RNF180: variants seen among roughly 807,000 people sequenced by gnomAD.
The protein encoded by RNF180 is ring finger protein 180, also known as E3 ubiquitin-protein ligase RNF180.
A neutral mutation model predicts 59.2 loss-of-function variants in RNF180; 38 were observed. The observed-to-expected ratio is 0.64, with a 90% CI of 0.50 to 0.84. RNF180 has a LOEUF of 0.84. RNF180 is among the 40% of genes least tolerant of loss of function. RNF180 has a pLI of 0.00. For missense variants in RNF180, 705 were observed against 700.9 expected (o/e 1.01, Z -0.07); for synonymous variants, 262 against 240.3 (o/e 1.09, Z -0.84).
At chr5:64,240,698 A>G (rs574006931) in intron 5 of RNF180, among the ~76,000 whole-genome samples, 2 of 152,292 alleles carry the variant, frequency 1.3e-5, no homozygotes, top group South Asian at 4.1e-4. Context: ...TCTTCTCACC[A>G]TCTTCCTAGC....
intron 5 of RNF180, among the ~76,000 whole-genome samples, chr5:64,314,829 T>C (rs1295691629): frequency 6.6e-6 from 1 of 152,120 alleles, no homozygotes; most frequent in Non-Finnish European, 1.5e-5. Context: ...GTGAAGAAAA[T>C]CTAGCTAGAC....
At chr5:64,353,156 T>G (rs1349928956) in intron 7 of RNF180, among the ~76,000 whole-genome samples, 1 of 151,846 alleles carries the variant, frequency 6.6e-6, no homozygotes, top group Non-Finnish European at 1.5e-5. Context: ...CATAGATACA[T>G]AATTATAAAT....
chr5:64,240,294 G>T (rs1442988093), intron 5 of RNF180, among the ~76,000 whole-genome samples: 2 of 152,150 alleles, frequency 1.3e-5, no homozygotes, highest in Non-Finnish European at 2.9e-5. Flanking sequence ...AATAAAGGCT[G>T]CAGTAGGTCC....
chr5:64,326,156 T>G (rs1295412119), intron 6 of RNF180, among the ~76,000 whole-genome samples: 1 of 152,044 alleles, frequency 6.6e-6, no homozygotes, highest in Non-Finnish European at 1.5e-5. Flanking sequence ...AGAATAAATA[T>G]ATGGTGCGTC....
chr5:64,268,940 A>G (rs1459163086), intron 5 of RNF180, among the ~76,000 whole-genome samples: 1 of 152,046 alleles, frequency 6.6e-6, no homozygotes, highest in African/African-American at 2.4e-5. Flanking sequence ...CTCTATCAGG[A>G]AACCCCCAAC....
intron 7 of RNF180, among the ~76,000 whole-genome samples, chr5:64,346,434 A>G (rs928461311): frequency 7.1e-6 from 1 of 140,098 alleles, no homozygotes; most frequent in Non-Finnish European, 1.5e-5. Flanking sequence ...CAGTAGCACA[A>G]TCTCGGCTCA....
intron 5 of RNF180, among the ~76,000 whole-genome samples, chr5:64,307,115 T>TC (rs1743511195): frequency 1.3e-5 from 1 of 77,830 alleles, no homozygotes; most frequent in African/African-American, 5.8e-5. Flanking sequence ...CTTCATGCTT[T>TC]CTGTCATTTC....
intron 7 of RNF180, among the ~76,000 whole-genome samples, chr5:64,331,046 A>G (rs1744883974): frequency 6.6e-6 from 1 of 152,242 alleles, no homozygotes; most frequent in African/African-American, 2.4e-5. Flanking sequence ...AGCCAAGCCC[A>G]GGCACTGTCG....
chr5:64,253,692 T>C (rs1743736917), intron 5 of RNF180, among the ~76,000 whole-genome samples: 1 of 152,148 alleles, frequency 6.6e-6, no homozygotes, highest in Non-Finnish European at 1.5e-5. Context: ...ACATAAATAA[T>C]ATAGTTAGTA....
At chr5:64,368,052 C>T (rs1406394982) in intron 7 of RNF180, among the ~76,000 whole-genome samples, 2 of 151,670 alleles carry the variant, frequency 1.3e-5, no homozygotes, top group African/African-American at 4.8e-5. Flanking sequence ...AATTGTATTT[C>T]ATGATGTAAT....
At chr5:64,195,248 A>G (rs939979997) in intron 1 of RNF180, among the ~76,000 whole-genome samples, 8 of 152,166 alleles carry the variant, frequency 5.3e-5, no homozygotes, top group African/African-American at 1.7e-4. Context: ...CTGATTAGTA[A>G]TACTGAAAGT....
intron 5 of RNF180, among the ~76,000 whole-genome samples, chr5:64,291,586 G>A (rs181980506): frequency 2.9e-5 from 4 of 136,838 alleles, no homozygotes; most frequent in Admixed American, 7.2e-5. Flanking sequence ...CACCGCACCC[G>A]GCTAATTTTT....
chr5:64,206,646 C>T (rs1752031179), intron 2 of RNF180, among the ~76,000 whole-genome samples: 1 of 152,152 alleles, frequency 6.6e-6, no homozygotes, highest in South Asian at 2.1e-4. Context: ...ATTGTATGCC[C>T]TCCAAGTGCA....
intron 7 of RNF180, among the ~76,000 whole-genome samples, chr5:64,356,483 A>G (rs916626198): frequency 6.6e-6 from 1 of 151,920 alleles, no homozygotes; most frequent in African/African-American, 2.4e-5. Context: ...GAATTACCGT[A>G]TGACTCTACA....
chr5:64,296,098 C>A (rs948713159), intron 5 of RNF180, among the ~76,000 whole-genome samples: 1 of 152,130 alleles, frequency 6.6e-6, no homozygotes, highest in Non-Finnish European at 1.5e-5. Flanking sequence ...AACATGACTA[C>A]AGGCTACTTC....
At chr5:64,329,472 T>TC (rs1561264956) in intron 6 of RNF180, among the ~76,000 whole-genome samples, 1 of 149,580 alleles carries the variant, frequency 6.7e-6, no homozygotes, top group Non-Finnish European at 1.5e-5. Flanking sequence ...TTTTTTTTTT[T>TC]CCCAAGATGG....
At chr5:64,270,039 A>G (rs1744922113) in intron 5 of RNF180, among the ~76,000 whole-genome samples, 1 of 150,842 alleles carries the variant, frequency 6.6e-6, no homozygotes, top group African/African-American at 2.4e-5. Flanking sequence ...ACACACACAC[A>G]CACACACACA....
chr5:64,331,921 G>A (rs1450868245), intron 7 of RNF180, among the ~76,000 whole-genome samples: 2 of 152,024 alleles, frequency 1.3e-5, no homozygotes, highest in African/African-American at 2.4e-5. Context: ...GTCCTGACTC[G>A]GGTGCCCACA....
At chr5:64,236,088 T>C (rs893289670) in intron 5 of RNF180, among the ~76,000 whole-genome samples, 19 of 151,986 alleles carry the variant, frequency 1.3e-4, no homozygotes, top group African/African-American at 4.4e-4. Context: ...GTTGGAACAG[T>C]TTGGAGGGCT....
Sources: allele counts gnomAD v4.1 joint callset (sites outside exome capture counted in the v4.1 genomes callset), GRCh38; gene constraint gnomAD v4.1.1; transcripts MANE v1.5; gene names NCBI Gene and HGNC (gene_info 2026-07-23, HGNC 2026-07-21).